Variants in CMTR1 observed in about 807,000 individuals in gnomAD.
The protein encoded by CMTR1 is cap-specific mRNA (nucleoside-2'-O-)-methyltransferase 1.
In CMTR1, 39 loss-of-function variants were observed where a neutral mutation model predicts 107.0. The observed-to-expected ratio is 0.36, with a 90% CI of 0.28 to 0.48. The LOEUF (loss-of-function observed/expected upper bound fraction) is 0.48. Ranked by LOEUF, CMTR1 falls within the 20% of genes least tolerant of loss-of-function variation. CMTR1 has a pLI of 0.99. For synonymous variants in CMTR1, 366 were observed against 379.5 expected, an observed-to-expected ratio of 0.96 and a Z score of 0.41; for missense variants, 672 against 1,064.9, an observed-to-expected ratio of 0.63 and a Z score of 5.14.
Position 37,480,796 on chromosome 6 carries a change from C to G in CMTR1, c.*651C>G, listed in dbSNP as rs1581759084. On this transcript the variant is annotated 3_prime_UTR_variant, in exon 24 of 24. Coordinates refer to ENST00000373451, the MANE Select transcript of CMTR1 (RefSeq NM_015050.3). ...GGGAAGGAGGGAGTTTGGGCAAACTCTCATCCCTGATACCACATTGAGATC... is the reference window on the plus strand; with the variant it reads ...GGGAAGGAGGGAGTTTGGGCAAACTGTCATCCCTGATACCACATTGAGATC... 3 of 1,116,092 alleles carry G rather than the reference C, an allele frequency of 2.7e-6. No homozygotes were observed. The East Asian group carries it at 2.3e-4, about 85-fold the overall frequency. The allele number at this position is 1,116,092 out of a possible 1,614,324, so 69.1% of individuals were successfully genotyped here.
intron 18 of CMTR1, among the ~76,000 whole-genome samples, chr6:37,474,853 G>A (rs1052467991): frequency 2.6e-5 from 4 of 152,236 alleles, no homozygotes; most frequent in African/African-American, 7.2e-5. Flanking sequence ...GTCTCCGTGC[G>A]TCAGAGGAGA....
intron 13 of CMTR1, among the ~76,000 whole-genome samples, chr6:37,469,691 C>G (rs1301253846): frequency 6.6e-6 from 1 of 151,526 alleles, no homozygotes; most frequent in African/African-American, 2.4e-5. Context: ...CCATGCCTGG[C>G]TAGTTTTTGT....
intron 8 of CMTR1, among the ~76,000 whole-genome samples, chr6:37,454,500 C>G (rs923674265): frequency 6.6e-6 from 1 of 152,200 alleles, no homozygotes; most frequent in Non-Finnish European, 1.5e-5. Context: ...CCTTTAAACC[C>G]CTGCCTGGCA....
chr6:37,434,123 C>T (rs1562113795), intron 1 of CMTR1, among the ~76,000 whole-genome samples: 1 of 152,106 alleles, frequency 6.6e-6, no homozygotes, highest in South Asian at 2.1e-4. Flanking sequence ...TTTAAGACTA[C>T]GGCTTAAAGT....
intron 10 of CMTR1, 76 bp from the exon 11 acceptor site, chr6:37,461,473 G>T: frequency 1.3e-6 from 1 of 748,854 alleles, no homozygotes; most frequent in South Asian, 1.8e-5. Context: ...AACTCTCGAT[G>T]AAGATGAGGT....
intron 10 of CMTR1, among the ~76,000 whole-genome samples, chr6:37,460,215 A>G (rs895410771): frequency 8.5e-5 from 13 of 152,234 alleles, no homozygotes; most frequent in African/African-American, 2.9e-4. Context: ...CCAGGATCAT[A>G]TAGCTAGAGT....
chr6:37,475,493 C>T, intron 19 of CMTR1, 81 bp downstream of exon 19: 1 of 1,183,066 alleles, frequency 8.5e-7, no homozygotes, highest in East Asian at 2.4e-5. Flanking sequence ...GAGGTGTGGC[C>T]CCTTATCTAG....
At chr6:37,429,863 G>A (rs991284497), upstream of CMTR1, among the ~76,000 whole-genome samples, 3 of 151,986 alleles carry the variant, frequency 2.0e-5, no homozygotes, top group South Asian at 2.1e-4. Context: ...GCTTGAACCC[G>A]GGAGGTGGAG....
chr6:37,457,765 A>C (rs2113877474), intron 8 of CMTR1, among the ~76,000 whole-genome samples: 1 of 152,240 alleles, frequency 6.6e-6, no homozygotes, highest in East Asian at 1.9e-4. Flanking sequence ...AGGAAGACAG[A>C]GGCTATGATG....
intron 2 of CMTR1, among the ~76,000 whole-genome samples, chr6:37,437,287 G>A (rs1332278849): frequency 6.6e-6 from 1 of 151,604 alleles, no homozygotes; most frequent in Non-Finnish European, 1.5e-5. Context: ...GGCACTTTGG[G>A]AGGCTAAGGT....
At chr6:37,453,835 A>G (rs751226284) in intron 8 of CMTR1, among the ~76,000 whole-genome samples, 1 of 152,186 alleles carries the variant, frequency 6.6e-6, no homozygotes, top group Non-Finnish European at 1.5e-5. Context: ...CAGCTCCCTC[A>G]TTCTGAAATG....
chr6:37,473,329 A>G (rs1442750885), intron 16 of CMTR1, 141 bp from the exon 17 acceptor site: 1 of 834,450 alleles, frequency 1.2e-6, no homozygotes, highest in South Asian at 1.7e-5. Flanking sequence ...AGTTAGGTAG[A>G]GAAGGGGGTG....
chr6:37,440,461 A>G (rs908089882), intron 2 of CMTR1, among the ~76,000 whole-genome samples: 1 of 152,214 alleles, frequency 6.6e-6, no homozygotes, highest in African/African-American at 2.4e-5. Flanking sequence ...GGCTTAAAGC[A>G]TGTCAAGCTA....
chr6:37,469,888 G>C (rs1265634905), intron 13 of CMTR1, among the ~76,000 whole-genome samples: 3 of 148,152 alleles, frequency 2.0e-5, no homozygotes, highest in African/African-American at 7.5e-5. Flanking sequence ...ATGTTAAGCA[G>C]TTTGCTATTG....
In CMTR1 at chr6:37,474,520, G is replaced by A. The variant is rs771547663; in HGVS notation, c.1822-4G>A. 5.2e-5 allele frequency: 84 copies of A among 1,604,526 alleles called. No individual in the cohort carries two copies. The highest frequency in any genetic ancestry group is 6.5e-5 in the Non-Finnish European group (77 of 1,176,536). The stretch of plus-strand genomic sequence containing the variant: ...CTTACCTGGCTGTTTCTCTCTGCCT[G>A]TAGAAATCCCAGATCTACACATGGG... On this transcript the variant is annotated splice_polypyrimidine_tract_variant and splice_region_variant and intron_variant, in intron 17 of 23. Transcript: ENST00000373451.
chr6:37,458,483 G>A lies in CMTR1; in HGVS notation c.778-129G>A. 2.5e-6 allele frequency: 2 copies of A among 808,348 alleles called. No homozygotes were observed. The highest frequency in any genetic ancestry group is 2.7e-5 in the East Asian group (1 of 37,480). 50.1% of individuals were successfully genotyped at this position (808,348 alleles called of 1,614,324 possible). On this transcript the variant is annotated intron_variant, in intron 8 of 23. Transcript: ENST00000373451. This position sits in a 1 kb window ranked among gnomAD's most constrained non-coding sequence, Gnocchi z 4.7. ...CCAGAAGATACATTTCCTGGGTGCT[G>A]TAGCTCTGGTGGGAGCTCTGGATTG... is the stretch of plus-strand genomic sequence containing the variant.
the CMTR1 span, among the ~76,000 whole-genome samples, chr6:37,424,221 C>T: frequency 6.6e-6 from 1 of 150,392 alleles, no homozygotes; most frequent in South Asian, 2.1e-4. Context: ...CGTACCCTCA[C>T]TATCTGCCTA....
intron 1 of CMTR1, 48 bp from the exon 2 acceptor site, chr6:37,435,576 A>T: frequency 6.4e-7 from 1 of 1,569,766 alleles, no homozygotes. Flanking sequence ...CTGTGATCCC[A>T]GTGGCTGTGA....
At chr6:37,440,399 T>C (rs139692705) in intron 2 of CMTR1, among the ~76,000 whole-genome samples, 133 of 151,830 alleles carry the variant, frequency 8.8e-4, no homozygotes, top group African/African-American at 3.1e-3. Context: ...TGAGTAAGAA[T>C]AAGTAGTGGC....
Sources: gnomAD v4.1 joint callset for allele counts (sites outside exome capture counted in the v4.1 genomes callset) on GRCh38, gnomAD v4.1.1 for gene constraint, Gnocchi (gnomAD v3.1) non-coding constraint, MANE v1.5 for transcripts, NCBI Gene and HGNC (gene_info 2026-07-23, HGNC 2026-07-21) for gene names.